The following PAGE1 variants were observed in gnomAD, a reference collection of about 807,000 sequenced individuals.
PAGE1 encodes P antigen family member 1.
PAGE1 carries 6 observed loss-of-function variants against 11.5 expected under a neutral mutation model. That is an observed-to-expected ratio of 0.52 (90% confidence interval 0.29 to 1.03). The LOEUF (loss-of-function observed/expected upper bound fraction) is 1.03, where lower values mean the gene tolerates loss of function less well. PAGE1 is among the 50% of genes least tolerant of loss of function. The pLI, the probability that PAGE1 is intolerant of heterozygous loss-of-function variation, is 0.09. For missense variants in PAGE1, 120 were observed against 110.2 expected, an observed-to-expected ratio of 1.09 and a Z score of -0.40; for synonymous variants, 42 against 40.2, an observed-to-expected ratio of 1.05 and a Z score of -0.17.
chrX:49,690,145 G>GTATATATACACATATATATGTGTA (rs2066915060), intron 4 of PAGE1, among the ~76,000 whole-genome samples: 1 of 88,245 alleles, frequency 1.1e-5, no homozygotes, highest in Non-Finnish European at 2.2e-5. Flanking sequence ...ATATATATGT[G>GTATATATACACATATATATGTGTA]TATATATATA....
intron 5 of PAGE1, 46 bp from the exon 6 acceptor site, chrX:49,687,609 TA>T: frequency 8.9e-7 from 1 of 1,129,104 alleles, no homozygotes; most frequent in Middle Eastern, 2.4e-4. Flanking sequence ...AGCAGCAGAT[TA>T]TTTAGATGAC....
At chrX:49,690,873 A>G (rs1434189574) in intron 4 of PAGE1, among the ~76,000 whole-genome samples, 3 of 110,520 alleles carry the variant, frequency 2.7e-5, no homozygotes, top group Non-Finnish European at 3.8e-5. Context: ...AAAATACAAA[A>G]AAAAAAAAAA....
At chrX:49,689,919 CATATATAGGGTGT>C (rs1268272310) in intron 4 of PAGE1, among the ~76,000 whole-genome samples, 9 of 492 alleles carry the variant, frequency 0.018, 1 homozygote, top group Non-Finnish European at 0.021. Context: ...TATATACACA[CATATATAGGGTGT>C]ATATATATGT....
chrX:49,690,130 T>C (rs781793366), intron 4 of PAGE1, among the ~76,000 whole-genome samples: 5 of 86,731 alleles, frequency 5.8e-5, no homozygotes, highest in East Asian at 3.8e-4. Flanking sequence ...TGTGTATATA[T>C]ACACATATAT....
chrX:49,689,967 GTA>G (rs1481513499), intron 4 of PAGE1, among the ~76,000 whole-genome samples: 5 of 59,285 alleles, frequency 8.4e-5, no homozygotes, highest in African/African-American at 2.6e-4. Context: ...ATATATATGT[GTA>G]TATATATGTG....
intron 5 of PAGE1, among the ~76,000 whole-genome samples, chrX:49,689,172 CT>C (rs1475011020): frequency 9.2e-6 from 1 of 108,875 alleles, no homozygotes; most frequent in Non-Finnish European, 1.9e-5. Flanking sequence ...AAAACCTCGT[CT>C]CTACTAAAAA....
chrX:49,688,708 T>G (rs1028408669), intron 5 of PAGE1, among the ~76,000 whole-genome samples: 2 of 111,842 alleles, frequency 1.8e-5, no homozygotes, highest in Non-Finnish European at 3.8e-5. Context: ...AAAGATAGGT[T>G]TAGAAGGTAA....
chrX:49,687,531 G>T lies in PAGE1; in HGVS notation c.*10C>A. ...CAGGAGCAGCCTGAACCATTTCAGC[G>T]TGTCTTCTTTTAAGGCTGTGATTGC... is the stretch of plus-strand genomic sequence containing the variant. On this transcript the variant is annotated 3_prime_UTR_variant, in exon 6 of 6. Coordinates refer to ENST00000376150, the MANE Select transcript of PAGE1 (RefSeq NM_003785.4). 1 of 1,202,553 alleles carries T rather than the reference G, an allele frequency of 8.3e-7. No homozygotes were observed. The highest frequency in any genetic ancestry group is 1.1e-6 in the Non-Finnish European group (1 of 888,791).
intron 4 of PAGE1, among the ~76,000 whole-genome samples, chrX:49,690,028 CAT>C (rs1491365032): frequency 1.9e-5 from 1 of 52,770 alleles, no homozygotes; most frequent in Non-Finnish European, 3.3e-5. Flanking sequence ...TATATACACA[CAT>C]ATATATGTGT....
At chrX:49,688,191 C>A (rs6610016) in intron 5 of PAGE1, among the ~76,000 whole-genome samples, 2,706 of 112,384 alleles carry the variant, frequency 0.024, 72 homozygotes, top group African/African-American at 0.083. Context: ...GCCAGAGAAT[C>A]CCAGCCTGGG....
chrX:49,692,828 C>T (rs2066925724), intron 3 of PAGE1, among the ~76,000 whole-genome samples: 2 of 110,212 alleles, frequency 1.8e-5, no homozygotes, highest in African/African-American at 6.6e-5. Flanking sequence ...CCCTATGTTT[C>T]CCAGGCTGGT....
rs1390486835 is a variant in PAGE1, at chrX:49,694,113, G to A, written c.152C>T (p.Ala51Val). The change falls in exon 3 of 6, where the codon GCA becomes GTA. Residue 51 changes from alanine to valine, a missense_variant. By Grantham distance (64) the Ala-to-Val change is moderately conservative. Coordinates refer to ENST00000376150, the MANE Select transcript of PAGE1 (RefSeq NM_003785.4). ...TPAEEREDEG[A>V]SAAQGQEPEA... ...TTTCCCTTCACCTTGAGCTGCAGAT[G>A]CTCCCTCATCCTCTCTCTCTTCAGC... 3.4e-6 allele frequency: 4 copies of A among 1,180,684 alleles called. No homozygotes were observed. The African/African-American group carries it at 5.4e-5, about 16-fold the overall frequency.
chrX:49,691,911 C>T (rs2066921894), intron 3 of PAGE1, among the ~76,000 whole-genome samples: 1 of 111,505 alleles, frequency 9.0e-6, no homozygotes, highest in Non-Finnish European at 1.9e-5. Flanking sequence ...CCGAGGTGGG[C>T]GGATCATCTG....
chrX:49,689,654 A>G lies in PAGE1; in HGVS notation c.293-111T>C, dbSNP rs180794340. On this transcript the variant is annotated intron_variant, in intron 4 of 5. Transcript: ENST00000376150. ...TACATATACATATATATGTGTGTGTATATATATATATACATATACATATAT... is the reference window on the plus strand; with the variant it reads ...TACATATACATATATATGTGTGTGTGTATATATATATACATATACATATAT... 6.8e-3 allele frequency: 382 copies of G among 56,431 alleles called. 21 individuals carry two copies. In the East Asian group the frequency reaches 0.14, roughly 21 times the overall value. The allele number at this position is 56,431 out of a possible 1,213,427, so 4.7% of individuals were successfully genotyped here.
chrX:49,692,214 G>A (rs6608912), intron 3 of PAGE1, among the ~76,000 whole-genome samples: 5,620 of 111,497 alleles, frequency 0.05, 259 homozygotes, highest in African/African-American at 0.15. Flanking sequence ...TATACTCTGT[G>A]TATTAAATGA....
At position 49,695,296 on chromosome X, in the gene PAGE1, A is replaced by G. The variant is rs781851589; in HGVS notation, c.-8-518T>C. Among the ~76,000 whole-genome samples the G allele has an allele frequency of 2.7e-5, 3 of 111,797 alleles. No individual in the cohort carries two copies. The Admixed American group carries it at 2.8e-4, about 11-fold the overall frequency. On this transcript the variant is annotated intron_variant, in intron 1 of 5. Coordinates refer to ENST00000376150, the MANE Select transcript of PAGE1 (RefSeq NM_003785.4). ...TTACTAGAGCCATTCACCCCCCTCAAATCAAGTTTGGTTGGGCCACACAGC... is the reference window on the plus strand; with the variant it reads ...TTACTAGAGCCATTCACCCCCCTCAGATCAAGTTTGGTTGGGCCACACAGC...
intron 5 of PAGE1, among the ~76,000 whole-genome samples, chrX:49,689,213 C>A (rs1033156529): frequency 9.2e-6 from 1 of 108,550 alleles, no homozygotes. Flanking sequence ...TGGTGGAGCA[C>A]GCCTGTAATC....
chrX:49,693,433 G>T lies in PAGE1; in HGVS notation c.166+666C>A, dbSNP rs1381512772. Among the ~76,000 whole-genome samples the T allele has an allele frequency of 2.7e-5, 3 of 111,410 alleles. No homozygotes were observed. The East Asian group carries it at 8.4e-4, about 31-fold the overall frequency. On this transcript the variant is annotated intron_variant, in intron 3 of 5. Transcript: ENST00000376150. ...GTTTTGCTTCAAAATATTTTATCTC[G>T]GAGAAATTATTTCCATCTCATGTTA...
chrX:49,690,070 CATAT>C (rs782728817), intron 4 of PAGE1, among the ~76,000 whole-genome samples: 3 of 59,189 alleles, frequency 5.1e-5, no homozygotes. Flanking sequence ...TATATACACA[CATAT>C]ATATGTGTAT....
Sources: allele counts gnomAD v4.1 joint callset (sites outside exome capture counted in the v4.1 genomes callset), GRCh38; gene constraint gnomAD v4.1.1; transcripts MANE v1.5; gene names NCBI Gene and HGNC (gene_info 2026-07-23, HGNC 2026-07-21).